Variants in SYNPR observed in about 807,000 individuals in gnomAD.
SYNPR encodes synaptoporin.
SYNPR carries 23 observed loss-of-function variants against 32.9 expected under a neutral mutation model. That is an observed-to-expected ratio of 0.70 (90% CI 0.50 to 0.99). The LOEUF is 0.99. Ranked by LOEUF, SYNPR falls within the 50% of genes least tolerant of loss-of-function variation. SYNPR has a pLI of 0.00. For synonymous variants in SYNPR, 146 were observed against 135.9 expected, an observed-to-expected ratio of 1.07 and a Z score of -0.52; for missense variants, 318 against 349.3, an observed-to-expected ratio of 0.91 and a Z score of 0.71.
At chr3:63,554,525 T>C (rs1380025699) in intron 3 of SYNPR, among the ~76,000 whole-genome samples, 1 of 152,176 alleles carries the variant, frequency 6.6e-6, no homozygotes, top group African/African-American at 2.4e-5. Context: ...GTTATAAGTG[T>C]ATGGTTTTAT....
chr3:63,301,562 G>A (rs1260125269), intron 2 of SYNPR, among the ~76,000 whole-genome samples: 4 of 151,982 alleles, frequency 2.6e-5, no homozygotes, highest in Non-Finnish European at 4.4e-5. Context: ...ATCTATTTTG[G>A]ACTGAAATTT....
intron 3 of SYNPR, among the ~76,000 whole-genome samples, chr3:63,543,457 T>G (rs558919941): frequency 6.6e-6 from 1 of 152,254 alleles, no homozygotes; most frequent in African/African-American, 2.4e-5. Context: ...ATTCTGTTAA[T>G]CAAGAGGAAA....
intron 4 of SYNPR, among the ~76,000 whole-genome samples, chr3:63,576,232 A>G (rs919230011): frequency 1.2e-4 from 18 of 152,154 alleles, no homozygotes; most frequent in African/African-American, 4.3e-4. Context: ...TATCAAGTTA[A>G]CCTGTCAGAA....
At chr3:63,343,978 C>A (rs1322755173) in intron 2 of SYNPR, among the ~76,000 whole-genome samples, 3 of 152,198 alleles carry the variant, frequency 2.0e-5, no homozygotes. Flanking sequence ...AGCCAAACCC[C>A]CGAGTGAAGC....
intron 2 of SYNPR, among the ~76,000 whole-genome samples, chr3:63,358,784 G>A (rs2087618827): frequency 1.3e-5 from 2 of 152,218 alleles, no homozygotes; most frequent in East Asian, 1.9e-4. Flanking sequence ...TCTAAGGTAG[G>A]TTCTACTATT....
At chr3:63,370,145 C>T (rs577644991) in intron 2 of SYNPR, among the ~76,000 whole-genome samples, 9 of 152,200 alleles carry the variant, frequency 5.9e-5, no homozygotes, top group East Asian at 1.9e-4. Context: ...GGAGGAGATA[C>T]GTAAATGAGA....
At position 63,528,542 on chromosome 3, in the gene SYNPR, A is replaced by T. The variant is rs578118277; in HGVS notation, c.210-28001A>T. Among the ~76,000 whole-genome samples the T allele has an allele frequency of 1.0e-3, 156 of 152,276 alleles. 1 individual carries two copies. The highest frequency in any genetic ancestry group is 3.6e-3 in the African/African-American group (151 of 41,554). ...AGGGCGGTTACCATTGTTGCCTAAA[A>T]AAACCACTAGGTTTCTAACACTAAA... On this transcript the variant is annotated intron_variant, in intron 3 of 5. Transcript: ENST00000478300.
intron 2 of SYNPR, among the ~76,000 whole-genome samples, chr3:63,377,294 C>T (rs766617841): frequency 2.6e-5 from 4 of 152,038 alleles, no homozygotes; most frequent in Non-Finnish European, 5.9e-5. Flanking sequence ...GGATTTTTAG[C>T]CAGTGGTTCT....
chr3:63,452,790 A>G (rs1473125777), intron 2 of SYNPR, among the ~76,000 whole-genome samples: 1 of 152,120 alleles, frequency 6.6e-6, no homozygotes, highest in Non-Finnish European at 1.5e-5. Flanking sequence ...GCTCTCACCC[A>G]TTATGTTAAC....
At chr3:63,360,520 G>A (rs1432315036) in intron 2 of SYNPR, among the ~76,000 whole-genome samples, 1 of 152,144 alleles carries the variant, frequency 6.6e-6, no homozygotes, top group Non-Finnish European at 1.5e-5. Context: ...TACGTTAAAA[G>A]TAAAACCCAG....
intron 4 of SYNPR, among the ~76,000 whole-genome samples, chr3:63,596,900 T>C (rs1484635603): frequency 6.6e-6 from 1 of 152,194 alleles, no homozygotes; most frequent in Non-Finnish European, 1.5e-5. Flanking sequence ...AACATGTGGT[T>C]ATTGAGCACT....
At chr3:63,239,266 T>C (rs556540505) in intron 1 of SYNPR, among the ~76,000 whole-genome samples, 1 of 94,192 alleles carries the variant, frequency 1.1e-5, no homozygotes, top group Admixed American at 1.2e-4. Context: ...CACACACACA[T>C]CCTACCATTG....
intron 2 of SYNPR, among the ~76,000 whole-genome samples, chr3:63,413,853 G>C (rs1209695799): frequency 1.3e-5 from 2 of 151,998 alleles, no homozygotes; most frequent in African/African-American, 4.8e-5. Context: ...GGATAATGGA[G>C]GAGTTGAACA....
the SYNPR span, among the ~76,000 whole-genome samples, chr3:63,222,011 A>ATTTTTTTTTTTTTT: frequency 8.7e-4 from 49 of 56,408 alleles, 10 homozygotes; most frequent in South Asian, 1.6e-3. Flanking sequence ...GCCATGCTCA[A>ATTTTTTTTTTTTTT]TTTTTTTTTT....
At chr3:63,547,581 T>C (rs930181239) in intron 3 of SYNPR, among the ~76,000 whole-genome samples, 7 of 152,124 alleles carry the variant, frequency 4.6e-5, no homozygotes, top group African/African-American at 1.7e-4. Flanking sequence ...AATGGAACAA[T>C]GGCCGCAGTT....
At chr3:63,443,083 G>A (rs1033243325) in intron 2 of SYNPR, 1 of 1,071,414 alleles carries the variant, frequency 9.3e-7, no homozygotes, top group African/African-American at 1.6e-5. Context: ...GTGCAAAGCA[G>A]TCCTGCACTT....
At chr3:63,327,978 G>T (rs932108373) in intron 2 of SYNPR, among the ~76,000 whole-genome samples, 3 of 152,148 alleles carry the variant, frequency 2.0e-5, no homozygotes, top group African/African-American at 7.2e-5. Context: ...GATGGAAAAA[G>T]CAGGACAAAG....
intron 2 of SYNPR, among the ~76,000 whole-genome samples, chr3:63,318,005 A>G (rs761256443): frequency 9.2e-5 from 14 of 151,920 alleles, no homozygotes; most frequent in Non-Finnish European, 2.1e-4. Context: ...TCTTTCCTTC[A>G]TATATGATGC....
At chr3:63,390,808 C>T (rs1462305798) in intron 2 of SYNPR, among the ~76,000 whole-genome samples, 1 of 152,162 alleles carries the variant, frequency 6.6e-6, no homozygotes, top group Non-Finnish European at 1.5e-5. Flanking sequence ...CAGCCAAGGC[C>T]TCCTCCTTCC....
Sources: gnomAD v4.1 joint callset for allele counts (sites outside exome capture counted in the v4.1 genomes callset) on GRCh38, gnomAD v4.1.1 for gene constraint, MANE v1.5 for transcripts, NCBI Gene and HGNC (gene_info 2026-07-23, HGNC 2026-07-21) for gene names.